The following OR4K17 variants were observed in gnomAD, a reference collection of about 807,000 sequenced individuals.
OR4K17 encodes the protein olfactory receptor family 4 subfamily K member 17, also known as olfactory receptor 4K17.
For synonymous variants in OR4K17, 157 were observed against 132.8 expected, an observed-to-expected ratio of 1.18 and a Z score of -1.25; for missense variants, 480 against 366.3, an observed-to-expected ratio of 1.31 and a Z score of -2.53.
rs908680472 is a variant in OR4K17 at position 20,120,209 on chromosome 14, G to A, written c.*1771G>A. 6.6e-6 allele frequency: 1 copy of A among 152,048 alleles called. No individual in the cohort carries two copies. The highest frequency in any genetic ancestry group is 2.4e-5 in the African/African-American group (1 of 41,396). The allele number at this position is 152,048 out of a possible 1,614,324, so 9.4% of individuals were successfully genotyped here. A position where few individuals can be genotyped will look rare whatever the true frequency, so the allele number is the denominator to read the frequency against. On this transcript the variant is annotated 3_prime_UTR_variant, in exon 2 of 2. Coordinates refer to ENST00000641386, the MANE Select transcript of OR4K17 (RefSeq NM_001004715.5). ...TGGCACTCACTGTGAGATCATGTTT[G>A]GTTCTCTGTCTTCTTTACAATATTA...
Position 20,118,410 on chromosome 14 carries a change from C to G in OR4K17, c.911C>G (p.Ala304Gly), listed in dbSNP as rs560711784. ...ATATCCATGAAAAAACTCTGGAGAG[C>G]TTTTGTGAATTCTAGAGAAGATACT... is the stretch of plus-strand genomic sequence containing the variant. ...MKISMKKLWRAFVNSREDT is the reference protein window; with the variant it reads ...MKISMKKLWRGFVNSREDT Residue 304 changes from alanine to glycine, a missense_variant, in exon 2 of 2, where the codon GCT becomes GGT. Transcript: ENST00000641386. The G allele has an allele frequency of 1.7e-5, 28 of 1,601,620 alleles. No homozygotes were observed. In the African/African-American group the frequency reaches 1.9e-4, roughly 11 times the overall value.
At position 20,118,301 on chromosome 14, in the gene OR4K17, G is replaced by C; in HGVS notation, c.802G>C (p.Asp268His). 6.2e-7 allele frequency: 1 copy of C among 1,613,834 alleles called. No individual in the cohort carries two copies. The highest frequency in any genetic ancestry group is 8.5e-7 in the Non-Finnish European group (1 of 1,179,784). ...TTGGCCCTTCGGCAACCACTCTGTA[G>C]ATAAGTTCCTTGCTGTGTTTTATAC... ...YIWPFGNHSV[D>H]KFLAVFYTII... The change falls in exon 2 of 2, where the codon GAT becomes CAT. Residue 268 changes from aspartate (D) to histidine (H), a missense_variant. By Grantham distance (81) the Asp-to-His change is moderately conservative. Transcript: ENST00000641386.
At position 20,117,489 on chromosome 14, in the gene OR4K17, G is replaced by T. The variant is rs1463672042; in HGVS notation, c.-11G>T. The stretch of plus-strand genomic sequence containing the variant: ...ACAGGTCATCCAAGAGCGAGCTGTA[G>T]GATGGAGGCCATGAAACTATTAAAT... On this transcript the variant is annotated 5_prime_UTR_variant, in exon 2 of 2. It adds an upstream start codon to the 5' untranslated region. Transcript: ENST00000641386. The T allele has an allele frequency of 6.2e-7, 1 of 1,613,676 alleles. No homozygotes were observed. Among genetic ancestry groups the T allele is most frequent in the Non-Finnish European group, 8.5e-7 (1 of 1,179,696 alleles).
chr14:20,117,764 C>G lies in OR4K17; in HGVS notation c.265C>G (p.Gln89Glu). ...PKVILNLLKK[Q>E]KVISFAGCFT... ...GGTGATTCTGAACTTGTTAAAAAAGCAGAAGGTAATTTCTTTTGCTGGGTG... is the reference window on the plus strand; with the variant it reads ...GGTGATTCTGAACTTGTTAAAAAAGGAGAAGGTAATTTCTTTTGCTGGGTG... Residue 89 changes from glutamine (Q) to glutamate (E), a missense_variant, in exon 2 of 2, where the codon CAG becomes GAG. Physicochemically the swap from Gln to Glu is conservative, Grantham distance 29 (BLOSUM62 2). Coordinates refer to ENST00000641386, the MANE Select transcript of OR4K17 (RefSeq NM_001004715.5). 1 of 1,614,124 alleles carries G rather than the reference C, an allele frequency of 6.2e-7. No homozygotes were observed.
rs1878108926 is a variant in OR4K17, at chr14:20,119,558, G to T, written c.*1120G>T. Reference sequence around the variant, plus strand: ...TGTTCTTCTGTCACGGCTTCAGCAGGTCCCTCTGTTCGGGGTCCCTGACTT... The same window carrying T: ...TGTTCTTCTGTCACGGCTTCAGCAGTTCCCTCTGTTCGGGGTCCCTGACTT... On this transcript the variant is annotated 3_prime_UTR_variant, in exon 2 of 2. Transcript: ENST00000641386. 1 of 152,488 alleles carries T rather than the reference G, an allele frequency of 6.6e-6. No individual in the cohort carries two copies. The highest frequency in any genetic ancestry group is 1.5e-5 in the Non-Finnish European group (1 of 68,046). 9.4% of individuals were successfully genotyped at this position (152,488 alleles called of 1,614,324 possible). A position where few individuals can be genotyped will look rare whatever the true frequency, so the allele number is the denominator to read the frequency against.
intron 1 of OR4K17, among the ~76,000 whole-genome samples, chr14:20,113,727 G>A (rs1877929255): frequency 1.3e-5 from 2 of 151,934 alleles, no homozygotes; most frequent in African/African-American, 4.8e-5. Flanking sequence ...CCTGCTTGGA[G>A]TGACTATATC....
intron 1 of OR4K17, among the ~76,000 whole-genome samples, chr14:20,112,584 G>A (rs1877905176): frequency 6.6e-6 from 1 of 152,066 alleles, no homozygotes; most frequent in Admixed American, 6.6e-5. Flanking sequence ...GTTAGGTGAA[G>A]CCACAGTACC....
chr14:20,113,774 T>C (rs1276012854), intron 1 of OR4K17, among the ~76,000 whole-genome samples: 1 of 151,978 alleles, frequency 6.6e-6, no homozygotes, highest in African/African-American at 2.4e-5. Context: ...TACTTTGTGT[T>C]GCTCCATTAA....
chr14:20,117,713 A>T lies in OR4K17; in HGVS notation c.214A>T (p.Thr72Ser). 1 of 1,613,922 alleles carries T rather than the reference A, an allele frequency of 6.2e-7. No individual in the cohort carries two copies. Among genetic ancestry groups the T allele is most frequent in the Non-Finnish European group, 8.5e-7 (1 of 1,179,962 alleles). ...LLGNLSFVDM[T>S]LASFATPKVI... Reference sequence around the variant, plus strand: ...TGGTAATCTCTCTTTTGTAGATATGACCCTTGCTTCTTTTGCCACCCCTAA... The same window carrying T: ...TGGTAATCTCTCTTTTGTAGATATGTCCCTTGCTTCTTTTGCCACCCCTAA... The change falls in exon 2 of 2, where the codon ACC becomes TCC. Residue 72 changes from threonine (T) to serine (S), a missense_variant. Transcript: ENST00000641386.
In OR4K17 at chr14:20,118,049, G is replaced by T. The variant is rs1457226141; in HGVS notation, c.550G>T (p.Val184Phe). ...CAGCATTTTTTGTGACCTCCCTTTG[G>T]TTACTAAGCTTGCCTGTATAGACAT... ...VDSIFCDLPLVTKLACIDIYF... is the reference protein window; with the variant it reads ...VDSIFCDLPLFTKLACIDIYF... The change falls in exon 2 of 2, where the codon GTT becomes TTT. Residue 184 changes from valine (V) to phenylalanine (F), a missense_variant. Physicochemically the swap from Val to Phe is conservative, Grantham distance 50. Coordinates refer to ENST00000641386, the MANE Select transcript of OR4K17 (RefSeq NM_001004715.5). The T allele has an allele frequency of 1.2e-6, 2 of 1,613,982 alleles. No homozygotes were observed. The highest frequency in any genetic ancestry group is 3.3e-5 in the Admixed American group (2 of 59,988).
chr14:20,120,320 T>C lies in OR4K17; in HGVS notation c.*1882T>C, dbSNP rs749627739. On this transcript the variant is annotated 3_prime_UTR_variant, in exon 2 of 2. Coordinates refer to ENST00000641386, the MANE Select transcript of OR4K17 (RefSeq NM_001004715.5). ...TATCTACCTACACTCATTTTTCTTG[T>C]AGCTTCCAAAATAAGAATTCATGAA... 3.3e-5 allele frequency: 5 copies of C among 152,222 alleles called. No homozygotes were observed. The highest frequency in any genetic ancestry group is 5.9e-5 in the Non-Finnish European group (4 of 68,030). The allele number at this position is 152,222 out of a possible 1,614,324, so 9.4% of individuals were successfully genotyped here.
At position 20,118,652 on chromosome 14, in the gene OR4K17, G is replaced by C. The variant is rs1878081049; in HGVS notation, c.*214G>C. ...CCAGGGGAGACATCACATGTCAGCG[G>C]GTTCCGTGATGCCCCCCAAGCTGCA... On this transcript the variant is annotated 3_prime_UTR_variant, in exon 2 of 2. Transcript: ENST00000641386. 1 of 382,396 alleles carries C rather than the reference G, an allele frequency of 2.6e-6. No individual in the cohort carries two copies. Among genetic ancestry groups the C allele is most frequent in the African/African-American group, 2.1e-5 (1 of 48,014 alleles). The allele number at this position is 382,396 out of a possible 1,614,324, so 23.7% of individuals were successfully genotyped here. A position where few individuals can be genotyped will look rare whatever the true frequency, so the allele number is the denominator to read the frequency against.
rs1294742743 is a variant in OR4K17, at chr14:20,121,167, T to C, written c.*2729T>C. The stretch of plus-strand genomic sequence containing the variant: ...CTGCTCCAACAAATGCACAGAAATC[T>C]GCTTAAGACAACAAGAAACACCAAA... On this transcript the variant is annotated 3_prime_UTR_variant, in exon 2 of 2. Transcript: ENST00000641386. The C allele has an allele frequency of 6.6e-6, 1 of 152,210 alleles. No individual in the cohort carries two copies. The highest frequency in any genetic ancestry group is 2.4e-5 in the African/African-American group (1 of 41,442). The allele number at this position is 152,210 out of a possible 1,614,324, so 9.4% of individuals were successfully genotyped here.
Position 20,118,600 on chromosome 14 carries a change from A to C in OR4K17, c.*162A>C. On this transcript the variant is annotated 3_prime_UTR_variant, in exon 2 of 2. Transcript: ENST00000641386. ...CTGAGAAATAAAGGGAAAGAATACA[A>C]AAGAGAGAAATTTTAAAGCTGGGTG... The C allele has an allele frequency of 1.9e-6, 1 of 524,758 alleles. No homozygotes were observed. Among genetic ancestry groups the C allele is most frequent in the Non-Finnish European group, 3.3e-6 (1 of 301,038 alleles). 32.5% of individuals were successfully genotyped at this position (524,758 alleles called of 1,614,324 possible).
At chr14:20,112,766 G>A (rs1877908966) in intron 1 of OR4K17, among the ~76,000 whole-genome samples, 1 of 152,018 alleles carries the variant, frequency 6.6e-6, no homozygotes, top group South Asian at 2.1e-4. Flanking sequence ...TTGTTCCGGA[G>A]TGAGAATTAT....
Position 20,113,214 on chromosome 14 carries a change from T to C in OR4K17, c.-33+2322T>C, listed in dbSNP as rs1485723508. Among the ~76,000 whole-genome samples, 4 of 152,070 alleles carry C rather than the reference T, an allele frequency of 2.6e-5. No individual in the cohort carries two copies. In the East Asian group the frequency reaches 7.7e-4, roughly 29 times the overall value. On this transcript the variant is annotated intron_variant, in intron 1 of 1. Coordinates refer to ENST00000641386, the MANE Select transcript of OR4K17 (RefSeq NM_001004715.5). The stretch of plus-strand genomic sequence containing the variant: ...GTTCTACTCAAATAGCAACAAAATA[T>C]GAAAAATAAATCAATGTCTAAGTGT...
Position 20,117,879 on chromosome 14 carries a change from G to A in OR4K17, c.380G>A (p.Cys127Tyr). The A allele has an allele frequency of 1.9e-6, 3 of 1,613,964 alleles. No individual in the cohort carries two copies. The highest frequency in any genetic ancestry group is 2.5e-6 in the Non-Finnish European group (3 of 1,179,986). The change falls in exon 2 of 2, where the codon TGT becomes TAT. Residue 127 changes from cysteine to tyrosine, a missense_variant. Physicochemically the swap from Cys to Tyr is radical, Grantham distance 194. Transcript: ENST00000641386. The part of the protein sequence containing the change: ...SMAFDRYVAI[C>Y]KPLHYMTIMN... ...GCTTTTGACAGATATGTGGCCATTT[G>A]TAAGCCCCTACACTACATGACCATC...
chr14:20,113,423 A>G (rs1376979593), intron 1 of OR4K17, among the ~76,000 whole-genome samples: 2 of 152,010 alleles, frequency 1.3e-5, no homozygotes, highest in East Asian at 1.9e-4. Context: ...CTGAATTTGA[A>G]TCCCATGATT....
chr14:20,117,468 G>A lies in OR4K17; in HGVS notation c.-32G>A, dbSNP rs772316895. On this transcript the variant is annotated splice_region_variant and 5_prime_UTR_variant, in exon 2 of 2. Transcript: ENST00000641386. ...AGTGATCTTTTCTTTCTCTCTACAG[G>A]TCATCCAAGAGCGAGCTGTAGGATG... 4 of 1,612,930 alleles carry A rather than the reference G, an allele frequency of 2.5e-6. No individual in the cohort carries two copies. In the South Asian group the frequency reaches 3.3e-5, roughly 13 times the overall value.
Sources: allele counts gnomAD v4.1 joint callset (sites outside exome capture counted in the v4.1 genomes callset), GRCh38; gene constraint gnomAD v4.1.1; transcripts MANE v1.5; gene names NCBI Gene and HGNC (gene_info 2026-07-23, HGNC 2026-07-21).